SYCP2L: variants seen among roughly 807,000 people sequenced by gnomAD.
SYCP2L encodes synaptonemal complex protein 2 like, also known as synaptonemal complex protein 2-like.
A neutral mutation model predicts 125.8 loss-of-function variants in SYCP2L; 98 were observed. The observed-to-expected ratio is 0.78, with a 90% CI of 0.66 to 0.92. SYCP2L has a LOEUF of 0.92. Among genes scored for constraint, SYCP2L ranks in the 40% least tolerant of loss-of-function variants. The pLI, the probability that SYCP2L is intolerant of heterozygous loss-of-function variation, is 0.00. For missense variants in SYCP2L, 842 were observed against 936.4 expected (o/e 0.90, Z 1.32); for synonymous variants, 317 against 325.4 (o/e 0.97, Z 0.28).
At chr6:10,900,177 C>T (rs1581817233) in intron 6 of SYCP2L, among the ~76,000 whole-genome samples, 1 of 152,122 alleles carries the variant, frequency 6.6e-6, no homozygotes, top group Non-Finnish European at 1.5e-5. Flanking sequence ...AGCCAACAGA[C>T]ATTTATCTCT....
In SYCP2L at chr6:10,891,520, A is replaced by G; in HGVS notation, c.17A>G (p.Lys6Arg). 6.3e-7 allele frequency: 1 copy of G among 1,598,952 alleles called. No individual in the cohort carries two copies. The highest frequency in any genetic ancestry group is 8.5e-7 in the Non-Finnish European group (1 of 1,172,060). Residue 6 changes from lysine (K) to arginine (R), a missense_variant, in exon 2 of 30, where the codon AAA (lysine) becomes AGA (arginine). Coordinates refer to ENST00000283141, the MANE Select transcript of SYCP2L (RefSeq NM_001040274.3). ...TGTTTTTATTCCACACAGAAAAACA[A>G]AGATGCTTTGCAGCCTATTAAGGAA... MQAKN[K>R]DALQPIKEDR...
At chr6:10,920,994 A>G (rs962826696) in intron 14 of SYCP2L, among the ~76,000 whole-genome samples, 4 of 152,112 alleles carry the variant, frequency 2.6e-5, no homozygotes, top group Non-Finnish European at 4.4e-5. Context: ...CCCATCACCT[A>G]AGTGTTAAGC....
chr6:10,971,457 C>CA (rs564161444), intron 29 of SYCP2L, among the ~76,000 whole-genome samples: 4,111 of 99,178 alleles, frequency 0.041, 176 homozygotes, highest in African/African-American at 0.11. Context: ...GACTCTGTCT[C>CA]AAAAAAAAAA....
intron 10 of SYCP2L, among the ~76,000 whole-genome samples, chr6:10,909,929 T>G (rs1010531602): frequency 6.6e-6 from 1 of 152,198 alleles, no homozygotes; most frequent in East Asian, 1.9e-4. Flanking sequence ...ATCTAATGGC[T>G]GCAGGGAGCA....
At chr6:10,926,280 A>AT in intron 15 of SYCP2L, 59 bp from the exon 16 acceptor site, 9 of 1,264,098 alleles carry the variant, frequency 7.1e-6, no homozygotes, top group East Asian at 2.3e-5. Context: ...GTTTTCCTTA[A>AT]ATTTTTTTTT....
At chr6:10,905,176 C>T (rs755044958) in intron 8 of SYCP2L, among the ~76,000 whole-genome samples, 31 of 140,938 alleles carry the variant, frequency 2.2e-4, no homozygotes, top group East Asian at 6.2e-4. Flanking sequence ...AGAAGAAGAT[C>T]GACTCACACT....
chr6:10,896,570 A>G (rs1252322233), intron 4 of SYCP2L, among the ~76,000 whole-genome samples: 4 of 152,178 alleles, frequency 2.6e-5, no homozygotes, highest in African/African-American at 9.6e-5. Context: ...TGCTGCGTAG[A>G]GGGACATTTC....
chr6:10,959,659 C>T (rs549422300), intron 26 of SYCP2L, among the ~76,000 whole-genome samples: 125 of 152,052 alleles, frequency 8.2e-4, no homozygotes, highest in African/African-American at 2.8e-3. Flanking sequence ...CACCTGAGGT[C>T]GGGAGTTCGA....
rs1185264763 is a variant in SYCP2L, at chr6:10,906,064, T to A, written c.676+10T>A. Reference sequence around the variant, plus strand: ...CTCTTGACTGTGGGTGGTAAGAAATTTTAGAATTTTCAGTATTAGAATATT... The same window carrying A: ...CTCTTGACTGTGGGTGGTAAGAAATATTAGAATTTTCAGTATTAGAATATT... On this transcript the variant is annotated intron_variant, in intron 9 of 29. Transcript: ENST00000283141. 2.5e-6 allele frequency: 4 copies of A among 1,576,674 alleles called. No individual in the cohort carries two copies. The East Asian group carries it at 6.7e-5, about 27-fold the overall frequency.
intron 4 of SYCP2L, among the ~76,000 whole-genome samples, chr6:10,895,399 G>T (rs1780240231): frequency 6.6e-6 from 1 of 152,152 alleles, no homozygotes; most frequent in Non-Finnish European, 1.5e-5. Context: ...CATTGGCCGG[G>T]GTCGGGTCGT....
intron 23 of SYCP2L, among the ~76,000 whole-genome samples, chr6:10,951,357 A>C (rs1781406462): frequency 6.6e-6 from 1 of 152,130 alleles, no homozygotes; most frequent in Non-Finnish European, 1.5e-5. Flanking sequence ...TGGCAGGATG[A>C]GGCTGCAGTG....
chr6:10,904,839 T>G (rs1022477270), intron 8 of SYCP2L, among the ~76,000 whole-genome samples: 1 of 152,096 alleles, frequency 6.6e-6, no homozygotes, highest in African/African-American at 2.4e-5. Context: ...ATTTCAGGCA[T>G]TAAAAGATCG....
intron 11 of SYCP2L, 104 bp downstream of exon 11, chr6:10,910,304 G>A (rs1231333432): frequency 4.7e-6 from 5 of 1,057,820 alleles, no homozygotes; most frequent in Non-Finnish European, 7.0e-6. Flanking sequence ...AGAATATTGG[G>A]TACATCATTT....
chr6:10,903,064 C>A, intron 8 of SYCP2L, 101 bp downstream of exon 8: 3 of 936,152 alleles, frequency 3.2e-6, no homozygotes, highest in African/African-American at 1.6e-5. Context: ...TATGTCCTTT[C>A]TCTCTTGGGT....
chr6:10,962,171 A>G (rs1268371934), intron 28 of SYCP2L, among the ~76,000 whole-genome samples: 3 of 145,446 alleles, frequency 2.1e-5, no homozygotes, highest in Non-Finnish European at 4.5e-5. Context: ...AGGAATCCCC[A>G]TATAAATTTA....
chr6:10,919,674 A>T (rs1237861378), intron 14 of SYCP2L, among the ~76,000 whole-genome samples: 1 of 152,004 alleles, frequency 6.6e-6, no homozygotes, highest in Non-Finnish European at 1.5e-5. Flanking sequence ...TTACCAGGAT[A>T]GGTAGGGAAG....
chr6:10,941,176 T>C (rs1014609640), intron 21 of SYCP2L, among the ~76,000 whole-genome samples: 1 of 152,158 alleles, frequency 6.6e-6, no homozygotes, highest in Non-Finnish European at 1.5e-5. Flanking sequence ...GACTTAAATG[T>C]TAGACTTAAA....
At chr6:10,905,142 C>CAAAAAAAAAAAAA (rs34659978) in intron 8 of SYCP2L, among the ~76,000 whole-genome samples, 3 of 54,664 alleles carry the variant, frequency 5.5e-5, no homozygotes, top group Non-Finnish European at 9.6e-5. Flanking sequence ...GACTTGGTCT[C>CAAAAAAAAAAAAA]AAAAAAAAAA....
At chr6:10,945,606 C>T (rs1175230337) in intron 23 of SYCP2L, among the ~76,000 whole-genome samples, 1 of 151,994 alleles carries the variant, frequency 6.6e-6, no homozygotes, top group Non-Finnish European at 1.5e-5. Context: ...ACTGTCTCTA[C>T]TAAAAATACA....
Sources: allele counts gnomAD v4.1 joint callset (sites outside exome capture counted in the v4.1 genomes callset), GRCh38; gene constraint gnomAD v4.1.1; transcripts MANE v1.5; gene names NCBI Gene and HGNC (gene_info 2026-07-23, HGNC 2026-07-21).